Variants in KCNH5 observed in about 807,000 individuals in gnomAD.
The protein encoded by KCNH5 is potassium voltage-gated channel subfamily H member 5, also known as voltage-gated delayed rectifier potassium channel KCNH5.
Under a neutral mutation model 96.1 loss-of-function variants are expected in KCNH5, and 46 were observed. The ratio of observed to expected loss-of-function variants is 0.48; its 90% CI spans 0.38 to 0.61. KCNH5 has a LOEUF of 0.61. Among genes scored for constraint, KCNH5 ranks in the 20% least tolerant of loss-of-function variants. The pLI is 0.00. For missense variants in KCNH5, 907 were observed against 1,225.8 expected, an observed-to-expected ratio of 0.74 and a Z score of 3.88; for synonymous variants, 439 against 449.8, an observed-to-expected ratio of 0.98 and a Z score of 0.30.
chr14:62,909,030 GTATTTTTT>G (rs1889092165), intron 7 of KCNH5, among the ~76,000 whole-genome samples: 29 of 100,760 alleles, frequency 2.9e-4, no homozygotes, highest in Non-Finnish European at 3.7e-4. Flanking sequence ...ACTATGCTAC[GTATTTTTT>G]TTTTTTTTTT....
At chr14:62,718,691 C>A (rs544662103) in intron 10 of KCNH5, among the ~76,000 whole-genome samples, 1 of 152,242 alleles carries the variant, frequency 6.6e-6, no homozygotes, top group Admixed American at 6.5e-5. Context: ...CCATATGACC[C>A]AGCAATTCTA....
intron 8 of KCNH5, among the ~76,000 whole-genome samples, chr14:62,806,610 C>A (rs745825553): frequency 1.3e-5 from 2 of 151,990 alleles, no homozygotes; most frequent in Non-Finnish European, 2.9e-5. Context: ...GGTGGGCAAC[C>A]CAGATAAAGA....
chr14:62,845,647 C>T (rs753419082), intron 8 of KCNH5, among the ~76,000 whole-genome samples: 56 of 152,174 alleles, frequency 3.7e-4, no homozygotes, highest in Middle Eastern at 3.4e-3. Flanking sequence ...TGGTGAGAAT[C>T]GGAGGTAGAG....
rs1232904065 is a variant in KCNH5 at position 62,708,420 on chromosome 14, C to T, written c.2055G>A (p.Glu685=). The change falls in exon 11 of 11, where the codon GAG becomes GAA. Residue 685 remains glutamate, a synonymous_variant. Coordinates refer to ENST00000322893, the MANE Select transcript of KCNH5 (RefSeq NM_139318.5). ...IFRKISDVKK[E]EEERLRQKNE... The stretch of plus-strand genomic sequence containing the variant: ...TCTTCTGCCGGAGGCGCTCCTCCTC[C>T]TCTTTCTTCACATCACTGATCTTAC... 4 of 1,606,636 alleles carry T rather than the reference C, an allele frequency of 2.5e-6. No homozygotes were observed. The Admixed American group carries it at 6.7e-5, about 27-fold the overall frequency.
chr14:62,792,051 G>T (rs983065492), intron 9 of KCNH5, among the ~76,000 whole-genome samples: 17 of 151,298 alleles, frequency 1.1e-4, no homozygotes, highest in Non-Finnish European at 4.4e-5. Flanking sequence ...ATTTTAAATG[G>T]ACTTCAACTA....
intron 8 of KCNH5, among the ~76,000 whole-genome samples, chr14:62,809,926 T>C (rs113622557): frequency 3.3e-5 from 5 of 152,136 alleles, no homozygotes; most frequent in African/African-American, 1.2e-4. Context: ...GGATGGGTAA[T>C]ATAAAAACCT....
intron 1 of KCNH5, among the ~76,000 whole-genome samples, chr14:63,033,615 A>C (rs1594685373): frequency 6.6e-6 from 1 of 152,144 alleles, no homozygotes; most frequent in African/African-American, 2.4e-5. Context: ...GAGTTCCATG[A>C]GGTCAGGGGC....
At chr14:62,957,029 C>T (rs1730325071) in intron 6 of KCNH5, among the ~76,000 whole-genome samples, 1 of 152,174 alleles carries the variant, frequency 6.6e-6, no homozygotes, top group East Asian at 1.9e-4. Flanking sequence ...ATATCAAATA[C>T]ATCAAGTGCA....
chr14:62,809,883 T>C (rs1214027777), intron 8 of KCNH5, among the ~76,000 whole-genome samples: 1 of 152,038 alleles, frequency 6.6e-6, no homozygotes, highest in Non-Finnish European at 1.5e-5. Context: ...AACCAACCAA[T>C]GATCTCTGAC....
At chr14:62,861,551 C>CA (rs1888032084) in intron 7 of KCNH5, among the ~76,000 whole-genome samples, 3 of 151,486 alleles carry the variant, frequency 2.0e-5, no homozygotes, top group Admixed American at 1.3e-4. Flanking sequence ...TAGCTGATGA[C>CA]ACATGTCTTT....
intron 7 of KCNH5, among the ~76,000 whole-genome samples, chr14:62,854,803 A>C (rs539416238): frequency 4.3e-4 from 65 of 151,632 alleles, no homozygotes; most frequent in African/African-American, 1.5e-3. Context: ...AGAAAGTCTT[A>C]TATTTTTCTT....
intron 6 of KCNH5, among the ~76,000 whole-genome samples, chr14:62,966,235 T>C (rs1432970597): frequency 2.6e-5 from 4 of 152,136 alleles, no homozygotes; most frequent in Admixed American, 1.3e-4. Context: ...GCAATACTGA[T>C]CAACTAAACA....
intron 6 of KCNH5, among the ~76,000 whole-genome samples, chr14:62,979,722 G>A (rs80233880): frequency 0.077 from 11,721 of 152,056 alleles, 520 homozygotes; most frequent in Non-Finnish European, 0.092. Flanking sequence ...GAAATTACTG[G>A]TTGTATCCTA....
intron 6 of KCNH5, among the ~76,000 whole-genome samples, chr14:62,980,258 C>T (rs933547576): frequency 1.3e-5 from 2 of 152,164 alleles, no homozygotes; most frequent in Non-Finnish European, 2.9e-5. Context: ...ACTAATACGT[C>T]ATCCAATATC....
At chr14:62,944,565 G>A (rs1889850093) in intron 7 of KCNH5, among the ~76,000 whole-genome samples, 1 of 152,080 alleles carries the variant, frequency 6.6e-6, no homozygotes, top group African/African-American at 2.4e-5. Context: ...AAGAATGCAG[G>A]TGGTTTGTTT....
intron 10 of KCNH5, among the ~76,000 whole-genome samples, chr14:62,715,401 T>C (rs1240112022): frequency 6.6e-6 from 1 of 152,176 alleles, no homozygotes; most frequent in Non-Finnish European, 1.5e-5. Flanking sequence ...TTTAGTTGGT[T>C]TGATTCTTTG....
intron 7 of KCNH5, among the ~76,000 whole-genome samples, chr14:62,895,008 T>C (rs1184403288): frequency 1.3e-5 from 2 of 152,194 alleles, no homozygotes; most frequent in African/African-American, 4.8e-5. Flanking sequence ...ACACTGAACT[T>C]AATAATGAAA....
At chr14:62,833,746 A>T (rs1483261395) in intron 8 of KCNH5, among the ~76,000 whole-genome samples, 1 of 152,030 alleles carries the variant, frequency 6.6e-6, no homozygotes, top group Non-Finnish European at 1.5e-5. Flanking sequence ...CATACAGGTA[A>T]ATATTAATCC....
intron 9 of KCNH5, among the ~76,000 whole-genome samples, chr14:62,794,359 A>G (rs1443854394): frequency 3.3e-5 from 5 of 151,784 alleles, no homozygotes; most frequent in Non-Finnish European, 7.4e-5. Flanking sequence ...TCAAAATTCT[A>G]TTTCAAAATT....
Sources: allele counts gnomAD v4.1 joint callset (sites outside exome capture counted in the v4.1 genomes callset), GRCh38; gene constraint gnomAD v4.1.1; transcripts MANE v1.5; gene names NCBI Gene and HGNC (gene_info 2026-07-23, HGNC 2026-07-21).